The following BICD1 variants were observed in gnomAD, a reference collection of about 807,000 sequenced individuals.
BICD1 encodes BICD cargo adaptor 1, also known as protein bicaudal D homolog 1.
In BICD1, 35 loss-of-function variants were observed where a neutral mutation model predicts 92.5. The ratio of observed to expected loss-of-function variants is 0.38; its 90% CI spans 0.29 to 0.50. The LOEUF is 0.50. Among genes scored for constraint, BICD1 ranks in the 20% least tolerant of loss-of-function variants. The pLI, the probability that BICD1 is intolerant of heterozygous loss-of-function variation, is 0.93. For synonymous variants in BICD1, 429 were observed against 465.1 expected, an observed-to-expected ratio of 0.92 and a Z score of 1.00; for missense variants, 950 against 1,189.8, an observed-to-expected ratio of 0.80 and a Z score of 2.97.
intron 8 of BICD1, among the ~76,000 whole-genome samples, chr12:32,351,206 C>T (rs1255353958): frequency 1.3e-5 from 2 of 150,370 alleles, no homozygotes; most frequent in Non-Finnish European, 3.0e-5. Flanking sequence ...AATTTTGTGG[C>T]CAGGTGTGGT....
intron 1 of BICD1, among the ~76,000 whole-genome samples, chr12:32,129,824 C>T (rs796729437): frequency 1.1e-4 from 16 of 152,202 alleles, no homozygotes; most frequent in African/African-American, 3.9e-4. Context: ...ATGAATTCTA[C>T]TCAGTAGAAA....
intron 8 of BICD1, among the ~76,000 whole-genome samples, chr12:32,361,916 T>C (rs778499080): frequency 8.5e-5 from 13 of 152,180 alleles, no homozygotes; most frequent in African/African-American, 1.2e-4. Flanking sequence ...TTCACTCACA[T>C]GGTGCTCACC....
intron 4 of BICD1, among the ~76,000 whole-genome samples, chr12:32,311,150 C>T (rs1163745225): frequency 6.6e-6 from 1 of 152,150 alleles, no homozygotes; most frequent in Non-Finnish European, 1.5e-5. Flanking sequence ...GGTCGGGGTA[C>T]AGCTTGGTTT....
chr12:32,144,676 A>G (rs1388509972), intron 1 of BICD1, among the ~76,000 whole-genome samples: 1 of 152,222 alleles, frequency 6.6e-6, no homozygotes, highest in Non-Finnish European at 1.5e-5. Context: ...TATTCTATCT[A>G]CTTGCATAAC....
intron 1 of BICD1, among the ~76,000 whole-genome samples, chr12:32,110,306 C>T (rs577442773): frequency 6.6e-6 from 1 of 152,308 alleles, no homozygotes; most frequent in Non-Finnish European, 1.5e-5. Context: ...TTTCTTCCCT[C>T]AACTCAATTG....
intron 1 of BICD1, among the ~76,000 whole-genome samples, chr12:32,209,035 A>G (rs781338493): frequency 2.0e-5 from 3 of 151,920 alleles, no homozygotes; most frequent in Non-Finnish European, 4.4e-5. Flanking sequence ...GGGTTTCACT[A>G]TGTTGGTCAG....
At chr12:32,150,753 C>T (rs960941160) in intron 1 of BICD1, among the ~76,000 whole-genome samples, 3 of 151,732 alleles carry the variant, frequency 2.0e-5, no homozygotes, top group African/African-American at 7.3e-5. Context: ...CAGTCCATGT[C>T]GGTGAGTGTA....
At chr12:32,219,201 A>C (rs1254112071) in intron 2 of BICD1, among the ~76,000 whole-genome samples, 2 of 152,110 alleles carry the variant, frequency 1.3e-5, no homozygotes, top group Non-Finnish European at 2.9e-5. Context: ...TTAATGGGAT[A>C]ATTTTTCTTT....
chr12:32,262,961 T>A (rs184476318), intron 2 of BICD1, among the ~76,000 whole-genome samples: 13 of 150,556 alleles, frequency 8.6e-5, no homozygotes, highest in Admixed American at 4.6e-4. Context: ...CTGGCCAACA[T>A]GGTGAAATCT....
intron 2 of BICD1, among the ~76,000 whole-genome samples, chr12:32,289,897 A>C (rs1947681743): frequency 6.6e-6 from 1 of 152,218 alleles, no homozygotes; most frequent in African/African-American, 2.4e-5. Context: ...TAAGTTGGCA[A>C]ACTCTATTTT....
At chr12:32,312,544 A>G (rs1948407397) in intron 4 of BICD1, among the ~76,000 whole-genome samples, 1 of 152,244 alleles carries the variant, frequency 6.6e-6, no homozygotes, top group African/African-American at 2.4e-5. Flanking sequence ...TAAATTATAA[A>G]AAGTATGGGA....
At position 32,138,038 on chromosome 12, in the gene BICD1, A is replaced by G. The variant is rs796714095; in HGVS notation, c.213+30494A>G. 3.3e-5 allele frequency among the ~76,000 whole-genome samples: 5 copies of G among 152,160 alleles called. No individual in the cohort carries two copies. In the South Asian group the frequency reaches 6.2e-4, roughly 19 times the overall value. On this transcript the variant is annotated intron_variant, in intron 1 of 9. Transcript: ENST00000652176. ...GGTCTCGGACTCCTGAGCTTAGGCA[A>G]TCCGCCTGCCTTGGCCTCCCAAAGT...
intron 1 of BICD1, among the ~76,000 whole-genome samples, chr12:32,171,201 A>G (rs888610546): frequency 1.3e-5 from 2 of 152,224 alleles, no homozygotes; most frequent in Non-Finnish European, 2.9e-5. Context: ...AAATGTGAAC[A>G]GAGGCGACAC....
chr12:32,134,829 A>T (rs1296380980), intron 1 of BICD1, among the ~76,000 whole-genome samples: 1 of 152,202 alleles, frequency 6.6e-6, no homozygotes, highest in Non-Finnish European at 1.5e-5. Flanking sequence ...TCTACAGCAG[A>T]TATTGCAAGC....
chr12:32,141,699 C>A (rs1008806787), intron 1 of BICD1, among the ~76,000 whole-genome samples: 2 of 152,138 alleles, frequency 1.3e-5, no homozygotes, highest in Non-Finnish European at 2.9e-5. Flanking sequence ...GTCTCAAACC[C>A]CTAACCTTAA....
rs1253834604 is a variant in BICD1, at chr12:32,381,058, G to A, written c.*3431G>A. On this transcript the variant is annotated 3_prime_UTR_variant, in exon 10 of 10. Transcript: ENST00000652176. Reference sequence around the variant, plus strand: ...GATAGGAGAATGCATTTCAGTTCTGGGAGCTCATAATCCTGTGATTCTTTT... The same window carrying A: ...GATAGGAGAATGCATTTCAGTTCTGAGAGCTCATAATCCTGTGATTCTTTT... 6.6e-6 allele frequency: 1 copy of A among 151,862 alleles called. No individual in the cohort carries two copies. Among genetic ancestry groups the A allele is most frequent in the African/African-American group, 2.4e-5 (1 of 41,390 alleles). 9.4% of individuals were successfully genotyped at this position (151,862 alleles called of 1,614,324 possible).
intron 2 of BICD1, among the ~76,000 whole-genome samples, chr12:32,242,358 C>G (rs1444506787): frequency 6.6e-6 from 1 of 151,034 alleles, no homozygotes; most frequent in Non-Finnish European, 1.5e-5. Context: ...AAACCAGTCT[C>G]TACTAAAATA....
chr12:32,348,237 A>C (rs1938703486), intron 8 of BICD1, among the ~76,000 whole-genome samples: 1 of 152,226 alleles, frequency 6.6e-6, no homozygotes, highest in African/African-American at 2.4e-5. Flanking sequence ...TGAAAGGATG[A>C]AACTTTTTAA....
At position 32,225,202 on chromosome 12, in the gene BICD1, G is replaced by A. The variant is rs1432920941; in HGVS notation, c.426+8743G>A. ...TTCTTTTCAGGAATGTCATATAAGT[G>A]GAATAAAACAGTATGTAACCTTTTG... is the stretch of plus-strand genomic sequence containing the variant. On this transcript the variant is annotated intron_variant, in intron 2 of 9. Transcript: ENST00000652176. Among the ~76,000 whole-genome samples, 4 of 152,170 alleles carry A rather than the reference G, an allele frequency of 2.6e-5. No homozygotes were observed. In the South Asian group the frequency reaches 8.3e-4, roughly 32 times the overall value.
Sources: allele counts gnomAD v4.1 joint callset (sites outside exome capture counted in the v4.1 genomes callset), GRCh38; gene constraint gnomAD v4.1.1; transcripts MANE v1.5; gene names NCBI Gene and HGNC (gene_info 2026-07-23, HGNC 2026-07-21).